The following DDX51 variants were observed in gnomAD, a reference collection of about 807,000 sequenced individuals.
DDX51 encodes the protein DEAD-box helicase 51, also known as ATP-dependent RNA helicase DDX51.
Under a neutral mutation model 74.6 loss-of-function variants are expected in DDX51, and 67 were observed. The ratio of observed to expected loss-of-function variants is 0.90; its 90% CI spans 0.74 to 1.10. DDX51 has a LOEUF of 1.10. DDX51 is among the 50% of genes least tolerant of loss of function. DDX51 has a pLI of 0.00. For synonymous variants in DDX51, 545 were observed against 402.9 expected (o/e 1.35, Z -4.22); for missense variants, 1,056 against 905.2 (o/e 1.17, Z -2.14).
chr12:132,139,576 A>C (rs764414990), intron 14 of DDX51, 59 bp downstream of exon 14: 3 of 1,612,480 alleles, frequency 1.9e-6, no homozygotes, highest in East Asian at 2.2e-5. Context: ...TGTGGTGACG[A>C]CGCCCTCTCT....
In DDX51 at chr12:132,140,063, C is replaced by T. The variant is rs768161730; in HGVS notation, c.1775+35G>A. 5.0e-6 allele frequency: 8 copies of T among 1,608,536 alleles called. No homozygotes were observed. The Middle Eastern group carries it at 1.2e-3, about 233-fold the overall frequency. On this transcript the variant is annotated intron_variant, in intron 12 of 14. Transcript: ENST00000397333. ...TCAACGCCCAGGAGCTCACAAAGCC[C>T]CAGACCCCCCAGTGGCCGCTGCGCC...
At position 132,140,166 on chromosome 12, in the gene DDX51, G is replaced by A. The variant is rs375018885; in HGVS notation, c.1707C>T (p.Ile569=). ...LISTDATARG[I]DVQGVELVVN... is the part of the protein sequence containing the mutation. ...CCACCAGCTCCACACCCTGCACGTC[G>A]ATGCCTCGCGCGGTGGCGTCCGTGC... The change falls in exon 12 of 15, where the codon ATC becomes ATT. Residue 569 remains isoleucine, a synonymous_variant. Transcript: ENST00000397333. The A allele has an allele frequency of 3.2e-5, 52 of 1,612,796 alleles. No individual in the cohort carries two copies. Among genetic ancestry groups the A allele is most frequent in the African/African-American group, 2.0e-4 (15 of 75,048 alleles).
In DDX51 at chr12:132,142,421, G is replaced by A. The variant is rs1897501869; in HGVS notation, c.672C>T (p.Val224=). The A allele has an allele frequency of 3.1e-6, 5 of 1,611,730 alleles. 1 individual carries two copies. Among genetic ancestry groups the A allele is most frequent in the Admixed American group, 1.7e-5 (1 of 60,008 alleles). ...RAHGISSYFP[V]QAAVIPALLE... ...GGAGGGCAGGAATCACAGCTGCCTG[G>A]ACTGGATGAGGAAAGGCGAGAGAGA... Residue 224 remains valine, a splice_region_variant and synonymous_variant, in exon 4 of 15, where the codon GTC becomes GTT. Coordinates refer to ENST00000397333, the MANE Select transcript of DDX51 (RefSeq NM_175066.4).
Position 132,142,208 on chromosome 12 carries a change from C to A in DDX51, c.817-18G>T, listed in dbSNP as rs1897492570. ...AGCAGGGCCTGAGGGGGAAGGAGCG[C>A]CTGCGTCAGCAAGGCTGTTACCTGT... On this transcript the variant is annotated intron_variant, in intron 4 of 14. Transcript: ENST00000397333. The A allele has an allele frequency of 6.3e-7, 1 of 1,579,592 alleles. No individual in the cohort carries two copies. The highest frequency in any genetic ancestry group is 8.6e-7 in the Non-Finnish European group (1 of 1,160,592).
rs191101265 is a variant in DDX51 at position 132,143,740 on chromosome 12, G to A, written c.474C>T (p.Val158=). ...CGAACCCCCCCAGCACCAGGCCGGG[G>A]ACCAGGGGTCCGGCCGCCTCCTCCA... ...PALEEAAGPL[V]PGLVLGGFGK... Residue 158 remains valine (V), a synonymous_variant, in exon 2 of 15, where the codon GTC becomes GTT. Coordinates refer to ENST00000397333, the MANE Select transcript of DDX51 (RefSeq NM_175066.4). The A allele has an allele frequency of 0.016, 24,775 of 1,530,114 alleles. 711 individuals carry two copies. The highest frequency in any genetic ancestry group is 0.059 in the African/African-American group (4,218 of 71,068). The allele number at this position is 1,530,114 out of a possible 1,614,324, so 94.8% of individuals were successfully genotyped here. A position where few individuals can be genotyped will look rare whatever the true frequency, so the allele number is the denominator to read the frequency against.
Position 132,141,163 on chromosome 12 carries a change from G to A in DDX51, c.1250+112C>T, listed in dbSNP as rs572382658. The A allele has an allele frequency of 3.4e-4, 507 of 1,500,938 alleles. 5 individuals are homozygous for A. In the South Asian group the frequency reaches 3.5e-3, roughly 10 times the overall value. 93.0% of individuals were successfully genotyped at this position (1,500,938 alleles called of 1,614,324 possible). ...CCAGCTCACGTGACAGTACGATGCG[G>A]TTCTGTGCACCAGAGCTCAAGCCAC... On this transcript the variant is annotated intron_variant, in intron 8 of 14. Coordinates refer to ENST00000397333, the MANE Select transcript of DDX51 (RefSeq NM_175066.4).
chr12:132,142,715 G>A lies in DDX51; in HGVS notation c.670+13C>T, dbSNP rs770939005. 24 of 1,611,946 alleles carry A rather than the reference G, an allele frequency of 1.5e-5. No homozygotes were observed. Among genetic ancestry groups the A allele is most frequent in the South Asian group, 8.8e-5 (8 of 91,076 alleles). On this transcript the variant is annotated intron_variant, in intron 3 of 14. Transcript: ENST00000397333. ...GAGGTGTTCCCTCAGCTGCCTGCCC[G>A]GGGCTGGGGCACCTGGAAAGTAGGA...
At chr12:132,140,044 C>T in intron 12 of DDX51, 54 bp downstream of exon 12, 2 of 1,606,202 alleles carry the variant, frequency 1.2e-6, no homozygotes, top group East Asian at 2.2e-5. Context: ...CACATCAACG[C>T]CCAGGAGCTC....
intron 11 of DDX51, 69 bp downstream of exon 11, chr12:132,140,354 G>A (rs890962157): frequency 1.3e-5 from 21 of 1,586,380 alleles, no homozygotes; most frequent in Non-Finnish European, 1.7e-5. Context: ...ACCTTTTAGA[G>A]AGCCCCAGGC....
chr12:132,137,221 A>G lies in DDX51; in HGVS notation c.*2051T>C, dbSNP rs1338623934. 1 of 152,136 alleles carries G rather than the reference A, an allele frequency of 6.6e-6. No individual in the cohort carries two copies. The highest frequency in any genetic ancestry group is 1.5e-5 in the Non-Finnish European group (1 of 68,022). 9.4% of individuals were successfully genotyped at this position (152,136 alleles called of 1,614,324 possible). A position where few individuals can be genotyped will look rare whatever the true frequency, so the allele number is the denominator to read the frequency against. ...CACCTAAGGGGACGGGAATGTGCTT[A>G]TTAGGGTCCACTGTTTTACTGGGGC... On this transcript the variant is annotated 3_prime_UTR_variant, in exon 15 of 15. Coordinates refer to ENST00000397333, the MANE Select transcript of DDX51 (RefSeq NM_175066.4).
In DDX51 at chr12:132,140,857, T is replaced by TC; in HGVS notation, c.1413dup (p.Lys472GlufsTer20). The TC allele has an allele frequency of 6.2e-7, 1 of 1,613,424 alleles. No individual in the cohort carries two copies. Among genetic ancestry groups the TC allele is most frequent in the South Asian group, 1.1e-5 (1 of 91,072 alleles). On this transcript the variant is annotated frameshift_variant, in exon 9 of 15. Transcript: ENST00000397333. LOFTEE classifies it high-confidence loss of function. ...GTGAGCCCAACAGGAAAGGCATACTTCCCCGAATCCCCGTCCCCATCTGTA... is the reference window on the plus strand; with the variant it reads ...GTGAGCCCAACAGGAAAGGCATACTTCCCCCGAATCCCCGTCCCCATCTGTA...
rs1230345707 is a variant in DDX51, at chr12:132,140,519, G to C, written c.1577C>G (p.Ala526Gly). 3.1e-6 allele frequency: 5 copies of C among 1,612,944 alleles called. No homozygotes were observed. The highest frequency in any genetic ancestry group is 4.2e-6 in the Non-Finnish European group (5 of 1,180,036). ...CTCAGCCACGTCCACACCCCCAAAA[G>C]CTTGCACCAGCAGGAAGAGCCTAGG... ...NSHRLFLLVQ[A>G]FGGVDVAEFS... The change falls in exon 11 of 15, where the codon GCT becomes GGT. Residue 526 changes from alanine to glycine, a missense_variant. By Grantham distance (60) the Ala-to-Gly change is moderately conservative. Coordinates refer to ENST00000397333, the MANE Select transcript of DDX51 (RefSeq NM_175066.4).
At chr12:132,142,906 G>T in intron 2 of DDX51, 28 bp from the exon 3 acceptor site, 1 of 1,611,300 alleles carries the variant, frequency 6.2e-7, no homozygotes, top group Non-Finnish European at 8.5e-7. Flanking sequence ...GAGAGGCCAG[G>T]TGAGCGCTTT....
rs777338307 is a variant in DDX51 at position 132,139,241 on chromosome 12, G to C, written c.*31C>G. On this transcript the variant is annotated 3_prime_UTR_variant, in exon 15 of 15. Coordinates refer to ENST00000397333, the MANE Select transcript of DDX51 (RefSeq NM_175066.4). ...TGGAAGGAGGGTCAGGGTGGTGAGC[G>C]TTCAGTCCCTCCGGCCCTCTGAGCC... 6.2e-7 allele frequency: 1 copy of C among 1,604,014 alleles called. No individual in the cohort carries two copies. The highest frequency in any genetic ancestry group is 1.7e-5 in the Admixed American group (1 of 59,368).
At chr12:132,142,477 C>G (rs940589310) in intron 3 of DDX51, 55 bp from the exon 4 acceptor site, 15 of 1,580,236 alleles carry the variant, frequency 9.5e-6, no homozygotes, top group African/African-American at 2.7e-5. Flanking sequence ...CTAGGCCTGC[C>G]GCTTCCCTGC....
At chr12:132,141,242 G>A (rs1897446593) in intron 8 of DDX51, 33 bp downstream of exon 8, 1 of 1,568,502 alleles carries the variant, frequency 6.4e-7, no homozygotes, top group South Asian at 1.1e-5. Flanking sequence ...CTCTGCTCAG[G>A]GGAGGCCAGC....
rs1565953889 is a variant in DDX51, at chr12:132,140,918, A to G, written c.1353T>C (p.Leu451=). 2 of 1,613,272 alleles carry G rather than the reference A, an allele frequency of 1.2e-6. No individual in the cohort carries two copies. Among genetic ancestry groups the G allele is most frequent in the Admixed American group, 3.3e-5 (2 of 59,972 alleles). Residue 451 remains leucine (L), a synonymous_variant, in exon 9 of 15, where the codon CTT becomes CTC. Coordinates refer to ENST00000397333, the MANE Select transcript of DDX51 (RefSeq NM_175066.4). ...LQQLGLHQPR[L]FSTGLAHRGL... Reference sequence around the variant, plus strand: ...CCCTGTGTGCTAGCCCTGTGGAGAAAAGCCGGGGCTGGTGGAGGCCCAGCT... The same window carrying G: ...CCCTGTGTGCTAGCCCTGTGGAGAAGAGCCGGGGCTGGTGGAGGCCCAGCT...
intron 3 of DDX51, 131 bp from the exon 4 acceptor site, chr12:132,142,553 A>C (rs1897508004): frequency 1.4e-6 from 2 of 1,478,120 alleles, no homozygotes; most frequent in African/African-American, 2.8e-5. Flanking sequence ...GGATGGCACC[A>C]AGGCCCAGAG....
intron 5 of DDX51, 25 bp downstream of exon 5, chr12:132,142,094 C>T (rs765974740): frequency 1.0e-5 from 16 of 1,556,786 alleles, no homozygotes; most frequent in South Asian, 4.9e-5. Context: ...GGCGGTGCCA[C>T]GCTCCAGGTC....
Sources: gnomAD v4.1 joint callset for allele counts on GRCh38, gnomAD v4.1.1 for gene constraint, MANE v1.5 for transcripts, NCBI Gene and HGNC (gene_info 2026-07-23, HGNC 2026-07-21) for gene names.